Variants in NLGN4X observed in about 807,000 individuals in gnomAD.
NLGN4X encodes the protein neuroligin 4 X-linked, also known as neuroligin-4, X-linked.
Under a neutral mutation model 40.3 loss-of-function variants are expected in NLGN4X, and 3 were observed. The ratio of observed to expected loss-of-function variants is 0.07; its 90% confidence interval spans 0.03 to 0.19. The LOEUF (loss-of-function observed/expected upper bound fraction) is 0.19, where lower values mean the gene tolerates loss of function less well. Among genes scored for constraint, NLGN4X ranks in the 10% least tolerant of loss-of-function variants. NLGN4X has a pLI of 1.00. For missense variants in NLGN4X, 382 were observed against 708.3 expected (o/e 0.54, Z 5.23); for synonymous variants, 270 against 306.8 (o/e 0.88, Z 1.25).
At chrX:6,057,414 C>T (rs5916280) in intron 2 of NLGN4X, among the ~76,000 whole-genome samples, 5,024 of 111,563 alleles carry the variant, frequency 0.045, 118 homozygotes, top group East Asian at 0.11. Flanking sequence ...GAGATGACCA[C>T]ACGGACAGCT....
chrX:6,172,753 T>G (rs1268603520), intron 1 of NLGN4X, among the ~76,000 whole-genome samples: 1 of 112,058 alleles, frequency 8.9e-6, no homozygotes, highest in African/African-American at 3.2e-5. Flanking sequence ...TCTGTGTGGA[T>G]AGCCAGGGGT....
intron 3 of NLGN4X, among the ~76,000 whole-genome samples, chrX:6,012,229 T>C (rs1469951780): frequency 8.9e-6 from 1 of 112,787 alleles, no homozygotes; most frequent in Admixed American, 9.4e-5. Context: ...GCTTTGCGTA[T>C]TGCTGGAGCA....
chrX:5,981,514 T>A (rs2035388556), intron 3 of NLGN4X, among the ~76,000 whole-genome samples: 1 of 108,230 alleles, frequency 9.2e-6, no homozygotes. Flanking sequence ...TGAGATTTTT[T>A]AAAAGTAGAC....
chrX:6,023,366 G>A (rs2036602637), intron 3 of NLGN4X, among the ~76,000 whole-genome samples: 1 of 112,357 alleles, frequency 8.9e-6, no homozygotes, highest in East Asian at 2.8e-4. Context: ...TCACAATTGT[G>A]TATCTTGATC....
intron 1 of NLGN4X, among the ~76,000 whole-genome samples, chrX:6,213,973 C>A (rs774393013): frequency 8.9e-6 from 1 of 111,869 alleles, no homozygotes; most frequent in Non-Finnish European, 1.9e-5. Context: ...TTATCCACTG[C>A]GGCATTCTCA....
Position 5,975,359 on chromosome X carries a change from C to G in NLGN4X, c.625+53921G>C, listed in dbSNP as rs571684975. On this transcript the variant is annotated intron_variant, in intron 3 of 5. Transcript: ENST00000381095. ...GGCGTGGTGACATGTACCTGTAATC[C>G]TAGCACTTTGGGAGGCAGAGGTGGG... Among the ~76,000 whole-genome samples, 35 of 111,013 alleles carry G rather than the reference C, an allele frequency of 3.2e-4. No individual in the cohort carries two copies. In the South Asian group the frequency reaches 0.013, roughly 41 times the overall value.
chrX:6,159,787 A>C (rs2040347517), intron 1 of NLGN4X, among the ~76,000 whole-genome samples: 1 of 112,422 alleles, frequency 8.9e-6, no homozygotes, highest in Non-Finnish European at 1.9e-5. Context: ...TCTCCAAAGC[A>C]GACTCAGTAT....
chrX:6,005,071 A>G (rs1165730149), intron 3 of NLGN4X, among the ~76,000 whole-genome samples: 2 of 112,484 alleles, frequency 1.8e-5, no homozygotes, highest in South Asian at 7.4e-4. Flanking sequence ...TTATCCTGAT[A>G]TCATAAGATA....
intron 2 of NLGN4X, among the ~76,000 whole-genome samples, chrX:6,033,304 C>T (rs2036919644): frequency 8.9e-6 from 1 of 111,746 alleles, no homozygotes. Flanking sequence ...GCATTAAAAA[C>T]TTATAAACAT....
At chrX:5,992,452 T>A (rs766471232) in intron 3 of NLGN4X, among the ~76,000 whole-genome samples, 2 of 110,544 alleles carry the variant, frequency 1.8e-5, no homozygotes, top group Non-Finnish European at 3.8e-5. Context: ...ATTTTTTTAA[T>A]TAACTGGGCA....
At chrX:6,042,892 A>T (rs2037213165) in intron 2 of NLGN4X, among the ~76,000 whole-genome samples, 1 of 103,471 alleles carries the variant, frequency 9.7e-6, no homozygotes, top group African/African-American at 3.5e-5. Context: ...TCTGGCCAAC[A>T]TGGTGAAATC....
intron 3 of NLGN4X, among the ~76,000 whole-genome samples, chrX:6,008,108 C>T (rs763050466): frequency 8.9e-6 from 1 of 112,172 alleles, no homozygotes. Flanking sequence ...AGGAAATTCA[C>T]GTAACATAAA....
At chrX:5,989,288 G>T (rs778929599) in intron 3 of NLGN4X, among the ~76,000 whole-genome samples, 2 of 110,650 alleles carry the variant, frequency 1.8e-5, no homozygotes, top group Non-Finnish European at 3.8e-5. Context: ...AAATTACTAT[G>T]GGCTCTGAAA....
At position 6,089,541 on chromosome X, in the gene NLGN4X, A is replaced by G. The variant is rs2038584911; in HGVS notation, c.473-60109T>C. Among the ~76,000 whole-genome samples the G allele has an allele frequency of 3.5e-5, 4 of 112,757 alleles. No individual in the cohort carries two copies. In the Middle Eastern group the frequency reaches 0.014, roughly 390 times the overall value. Reference sequence around the variant, plus strand: ...ACTGAAACTTGAGGTGCATGTAATTAACTTAATCTTTTTCTTGCTTACATT... The same window carrying G: ...ACTGAAACTTGAGGTGCATGTAATTGACTTAATCTTTTTCTTGCTTACATT... On this transcript the variant is annotated intron_variant, in intron 2 of 5. Coordinates refer to ENST00000381095, the MANE Select transcript of NLGN4X (RefSeq NM_181332.3).
chrX:6,147,290 T>A (rs2040070045), intron 2 of NLGN4X, among the ~76,000 whole-genome samples: 1 of 111,957 alleles, frequency 8.9e-6, no homozygotes, highest in Non-Finnish European at 1.9e-5. Flanking sequence ...CAAGGCAATC[T>A]GGACTCACTT....
rs914893424 is a variant in NLGN4X, at chrX:6,058,986, G to A, written c.473-29554C>T. Among the ~76,000 whole-genome samples, 3 of 111,629 alleles carry A rather than the reference G, an allele frequency of 2.7e-5. No homozygotes were observed. The South Asian group carries it at 1.1e-3, about 42-fold the overall frequency. ...AGATGAATCACAAAAATATTTTATAGTGAAGAAAACACAAGGAATTCATAG... is the reference window on the plus strand; with the variant it reads ...AGATGAATCACAAAAATATTTTATAATGAAGAAAACACAAGGAATTCATAG... On this transcript the variant is annotated intron_variant, in intron 2 of 5. Transcript: ENST00000381095.
chrX:5,909,873 A>C (rs2032400417), intron 3 of NLGN4X, among the ~76,000 whole-genome samples: 1 of 111,402 alleles, frequency 9.0e-6, no homozygotes, highest in Non-Finnish European at 1.9e-5. Flanking sequence ...AGTCACATAC[A>C]AAAAAATGTA....
At chrX:6,169,765 C>T (rs768746895) in intron 1 of NLGN4X, among the ~76,000 whole-genome samples, 31 of 112,020 alleles carry the variant, frequency 2.8e-4, no homozygotes, top group African/African-American at 7.1e-4. Context: ...ATTGGCTTCC[C>T]GTAGGATAGA....
intron 3 of NLGN4X, among the ~76,000 whole-genome samples, chrX:5,922,521 T>C (rs929017734): frequency 1.8e-5 from 2 of 111,813 alleles, no homozygotes; most frequent in African/African-American, 6.5e-5. Flanking sequence ...GAGTACTTTA[T>C]GCTGTACTGC....
Sources: allele counts gnomAD v4.1 joint callset (sites outside exome capture counted in the v4.1 genomes callset), GRCh38; gene constraint gnomAD v4.1.1; transcripts MANE v1.5; gene names NCBI Gene and HGNC (gene_info 2026-07-23, HGNC 2026-07-21).